The following CDK14 variants were observed in gnomAD, a reference collection of about 807,000 sequenced individuals.
The protein encoded by CDK14 is cyclin-dependent kinase 14.
A neutral mutation model predicts 60.7 loss-of-function variants in CDK14; 34 were observed. The observed-to-expected ratio is 0.56, with a 90% CI of 0.43 to 0.75. The LOEUF is 0.75. CDK14 is among the 30% of genes least tolerant of loss of function. The probability of loss-of-function intolerance (pLI) is 0.00; values close to 1 mark genes in which losing one functional copy is unlikely to be tolerated. For missense variants in CDK14, 482 were observed against 564.1 expected, an observed-to-expected ratio of 0.85 and a Z score of 1.47; for synonymous variants, 197 against 203.7, an observed-to-expected ratio of 0.97 and a Z score of 0.28.
At chr7:91,181,211 C>T (rs1014774548) in intron 14 of CDK14, among the ~76,000 whole-genome samples, 1 of 152,118 alleles carries the variant, frequency 6.6e-6, no homozygotes, top group Non-Finnish European at 1.5e-5. Context: ...CCTCCGTCTC[C>T]CTTTTTCTCT....
chr7:90,689,449 A>C (rs190146111), intron 2 of CDK14, among the ~76,000 whole-genome samples: 1 of 152,240 alleles, frequency 6.6e-6, no homozygotes, highest in East Asian at 1.9e-4. Flanking sequence ...AATGGCAGAA[A>C]ATGGAGGAGA....
intron 6 of CDK14, among the ~76,000 whole-genome samples, chr7:90,870,949 G>T (rs1791352909): frequency 6.6e-6 from 1 of 152,174 alleles, no homozygotes. Flanking sequence ...AACAAGAATA[G>T]AAATCTAGTT....
chr7:90,965,576 C>T (rs747412152), intron 9 of CDK14, among the ~76,000 whole-genome samples: 38 of 152,110 alleles, frequency 2.5e-4, no homozygotes, highest in Non-Finnish European at 4.9e-4. Flanking sequence ...TAGCTCTATT[C>T]GTAGTCACTT....
intron 2 of CDK14, among the ~76,000 whole-genome samples, chr7:90,651,743 AT>A (rs1249531928): frequency 3.4e-5 from 5 of 147,698 alleles, no homozygotes; most frequent in Admixed American, 6.8e-5. Flanking sequence ...ATGTTTAGTG[AT>A]TTTTTTTTTC....
chr7:90,835,931 G>A (rs1790079915), intron 5 of CDK14, among the ~76,000 whole-genome samples: 1 of 152,150 alleles, frequency 6.6e-6, no homozygotes, highest in Admixed American at 6.5e-5. Context: ...GTAGGTAATT[G>A]TAACACAATG....
At chr7:91,026,488 ACT>A (rs1329756993) in intron 10 of CDK14, among the ~76,000 whole-genome samples, 13 of 152,362 alleles carry the variant, frequency 8.5e-5, no homozygotes, top group African/African-American at 2.9e-4. Flanking sequence ...AGAGATACTC[ACT>A]GTTAGCCCAA....
intron 5 of CDK14, among the ~76,000 whole-genome samples, chr7:90,800,635 T>A (rs1344459026): frequency 6.6e-6 from 1 of 152,222 alleles, no homozygotes; most frequent in Admixed American, 6.5e-5. Context: ...AGTTTGTATA[T>A]GTAATTGAGT....
chr7:91,079,506 ATTCTCTTTCTTTCTCTT>A (rs762590788), intron 12 of CDK14, 26 bp downstream of exon 12: 84 of 1,510,342 alleles, frequency 5.6e-5, no homozygotes, highest in Non-Finnish European at 7.2e-5. Flanking sequence ...GATTGTGCTC[ATTCTCTTTCTTTCTCTT>A]TTAATATTTA....
At chr7:90,608,649 T>TAATCCAG (rs1799470837) in intron 2 of CDK14, 1 of 479,708 alleles carries the variant, frequency 2.1e-6, no homozygotes, top group Admixed American at 6.4e-5. Context: ...TTATGGCATA[T>TAATCCAG]AATCCAGATA....
At chr7:90,768,719 CACTT>C (rs1216850758) in intron 4 of CDK14, among the ~76,000 whole-genome samples, 1 of 152,170 alleles carries the variant, frequency 6.6e-6, no homozygotes, top group Admixed American at 6.5e-5. Context: ...TGTGTTCTCT[CACTT>C]AGATTCAAAA....
At chr7:91,071,075 A>G (rs1449001846) in intron 11 of CDK14, among the ~76,000 whole-genome samples, 1 of 152,226 alleles carries the variant, frequency 6.6e-6, no homozygotes, top group Non-Finnish European at 1.5e-5. Flanking sequence ...ATGTCATACC[A>G]TATTTACAAA....
intron 12 of CDK14, among the ~76,000 whole-genome samples, chr7:91,106,827 T>C (rs1799316649): frequency 1.3e-5 from 2 of 152,230 alleles, no homozygotes; most frequent in Non-Finnish European, 2.9e-5. Context: ...AGGTCACTGC[T>C]AGCTGCAGGT....
At chr7:90,998,698 C>T (rs1795754282) in intron 10 of CDK14, among the ~76,000 whole-genome samples, 1 of 152,120 alleles carries the variant, frequency 6.6e-6, no homozygotes, top group Non-Finnish European at 1.5e-5. Flanking sequence ...ATCGTCCTGG[C>T]TAACACGGTG....
intron 10 of CDK14, among the ~76,000 whole-genome samples, chr7:91,020,852 C>T (rs1174327322): frequency 1.3e-5 from 2 of 152,172 alleles, no homozygotes; most frequent in African/African-American, 4.8e-5. Flanking sequence ...AAGGCTACAG[C>T]GTGGGTGTTG....
rs563296496 is a variant in CDK14 at position 91,087,237 on chromosome 7, A to G, written c.1154+7757A>G. Among the ~76,000 whole-genome samples the G allele has an allele frequency of 1.1e-4, 16 of 152,288 alleles. No homozygotes were observed. The East Asian group carries it at 2.9e-3, about 28-fold the overall frequency. ...TGGGGCTCAATTTCTATTCATTGTG[A>G]GGATAGAGCTCCTAGAGTATTCTTA... On this transcript the variant is annotated intron_variant, in intron 12 of 14. Transcript: ENST00000380050.
intron 6 of CDK14, among the ~76,000 whole-genome samples, chr7:90,869,216 A>G (rs956398045): frequency 2.0e-5 from 3 of 152,220 alleles, no homozygotes; most frequent in African/African-American, 7.2e-5. Context: ...TTCCTCTGAG[A>G]TAGATGTATG....
chr7:90,773,889 C>A (rs1483627687), intron 4 of CDK14, among the ~76,000 whole-genome samples: 12 of 92,528 alleles, frequency 1.3e-4, no homozygotes. Context: ...CTCCTCTCCT[C>A]TCCTCTTTTC....
At chr7:91,049,305 CTT>C (rs944260255) in intron 11 of CDK14, among the ~76,000 whole-genome samples, 2 of 152,238 alleles carry the variant, frequency 1.3e-5, no homozygotes, top group Admixed American at 6.5e-5. Context: ...CTTATGCTCT[CTT>C]GTCTTCCTTG....
At chr7:90,936,904 C>A (rs9655993) in intron 8 of CDK14, among the ~76,000 whole-genome samples, 17,732 of 151,848 alleles carry the variant, frequency 0.12, 1,106 homozygotes, top group East Asian at 0.18. Flanking sequence ...TGTAGTGATA[C>A]TCTATCTCTA....
Sources: allele counts gnomAD v4.1 joint callset (sites outside exome capture counted in the v4.1 genomes callset), GRCh38; gene constraint gnomAD v4.1.1; transcripts MANE v1.5; gene names NCBI Gene and HGNC (gene_info 2026-07-23, HGNC 2026-07-21).